Variants in KIF3A observed in about 807,000 individuals in gnomAD.
KIF3A encodes kinesin-like protein KIF3A.
In KIF3A, 27 loss-of-function variants were observed where a neutral mutation model predicts 92.6. The observed-to-expected ratio is 0.29, with a 90% CI of 0.21 to 0.40. KIF3A has a LOEUF of 0.40. Among genes scored for constraint, KIF3A ranks in the 10% least tolerant of loss-of-function variants. The pLI is 1.00. For synonymous variants in KIF3A, 250 were observed against 275.4 expected (o/e 0.91, Z 0.92); for missense variants, 581 against 872.6 (o/e 0.67, Z 4.21).
At position 132,695,456 on chromosome 5, in the gene KIF3A, G is replaced by C. The variant is rs1353301910; in HGVS notation, c.*1178C>G. On this transcript the variant is annotated 3_prime_UTR_variant, in exon 19 of 19. Transcript: ENST00000403231. ...CAAAGTGCTGGGATTACAGGCGTGA[G>C]CCACCATGCCCGGCCAGGAGTAGCA... The C allele has an allele frequency of 3.9e-5, 6 of 152,220 alleles. No individual in the cohort carries two copies. The highest frequency in any genetic ancestry group is 3.9e-4 in the Admixed American group (6 of 15,274). 9.4% of individuals were successfully genotyped at this position (152,220 alleles called of 1,614,324 possible).
At chr5:132,710,484 C>T (rs1753379078) in intron 9 of KIF3A, among the ~76,000 whole-genome samples, 1 of 152,168 alleles carries the variant, frequency 6.6e-6, no homozygotes. Context: ...GGCGAGGTGG[C>T]ATTTGCCTAT....
At chr5:132,721,811 C>A (rs1753834606) in intron 4 of KIF3A, among the ~76,000 whole-genome samples, 1 of 151,974 alleles carries the variant, frequency 6.6e-6, no homozygotes, top group Non-Finnish European at 1.5e-5. Flanking sequence ...ACTGAGGCGG[C>A]CACTGTAGGA....
At chr5:132,690,654 G>A (rs372738817), downstream of KIF3A, among the ~76,000 whole-genome samples, 459 of 33,382 alleles carry the variant, frequency 0.014, 5 homozygotes, top group African/African-American at 0.023. Flanking sequence ...CAGGCCGGGC[G>A]CGGTGGCTCA....
Position 132,699,196 on chromosome 5 carries a change from T to G in KIF3A, c.2107A>C (p.Lys703Gln). Reference sequence around the variant, plus strand: ...CTTCTCCCTGTCTTTGGCCTTGCTTTCCCCTTTGAAGTTCGTGGTCTTTCT... The same window carrying G: ...CTTCTCCCTGTCTTTGGCCTTGCTTGCCCCTTTGAAGTTCGTGGTCTTTCT... ...KLERPRTSKG[K>Q]ARPKTGRRKR... Residue 703 changes from lysine to glutamine, a missense_variant, in exon 18 of 19, where the codon AAA becomes CAA. Transcript: ENST00000403231. The G allele has an allele frequency of 6.2e-7, 1 of 1,614,078 alleles. No homozygotes were observed. The highest frequency in any genetic ancestry group is 8.5e-7 in the Non-Finnish European group (1 of 1,179,952).
chr5:132,737,274 AC>A, intron 1 of KIF3A, 139 bp downstream of exon 1: 1 of 946,852 alleles, frequency 1.1e-6, no homozygotes, highest in Non-Finnish European at 1.5e-6. Context: ...AGGCTCTCCA[AC>A]CACCTCCACC....
intron 18 of KIF3A, chr5:132,697,544 G>C (rs1338052037): frequency 6.6e-6 from 1 of 152,010 alleles, no homozygotes; most frequent in Non-Finnish European, 1.5e-5. Flanking sequence ...GGCCAGGCAC[G>C]GTGGCTCATG....
intron 2 of KIF3A, among the ~76,000 whole-genome samples, chr5:132,730,024 C>T (rs1754169216): frequency 6.6e-6 from 1 of 152,126 alleles, no homozygotes; most frequent in Non-Finnish European, 1.5e-5. Flanking sequence ...ACGTAAGTTA[C>T]CAATATCAAA....
chr5:132,724,429 G>A (rs867947862), intron 4 of KIF3A, among the ~76,000 whole-genome samples: 26 of 152,236 alleles, frequency 1.7e-4, no homozygotes, highest in African/African-American at 5.8e-4. Flanking sequence ...TTAAGAAAAT[G>A]TGGCACATAT....
chr5:132,704,439 G>A (rs1257404891), intron 11 of KIF3A, among the ~76,000 whole-genome samples: 1 of 151,822 alleles, frequency 6.6e-6, no homozygotes, highest in Non-Finnish European at 1.5e-5. Flanking sequence ...GCTGGAATAT[G>A]GCTTCCAATT....
At chr5:132,727,019 T>C (rs1292840211) in intron 2 of KIF3A, among the ~76,000 whole-genome samples, 1 of 152,178 alleles carries the variant, frequency 6.6e-6, no homozygotes, top group Non-Finnish European at 1.5e-5. Context: ...TTCCTTCAAG[T>C]GACCAACACA....
chr5:132,715,604 TGTAA>T (rs1753592732), intron 8 of KIF3A, among the ~76,000 whole-genome samples, 149 bp downstream of exon 8: 1 of 152,242 alleles, frequency 6.6e-6, no homozygotes, highest in Non-Finnish European at 1.5e-5. Flanking sequence ...TGCGAAAGTA[TGTAA>T]GTACCAAGTC....
In KIF3A at chr5:132,698,443, C is replaced by A. The variant is rs369083017; in HGVS notation, c.2132+728G>T. On this transcript the variant is annotated intron_variant, in intron 18 of 18. Transcript: ENST00000403231. Reference sequence around the variant, plus strand: ...TGCCCAAAGGAGAGGGGGAAATGTCCAAGGAAGTTCTCCTTAGCTGGTGAC... The same window carrying A: ...TGCCCAAAGGAGAGGGGGAAATGTCAAAGGAAGTTCTCCTTAGCTGGTGAC... 5.9e-5 allele frequency among the ~76,000 whole-genome samples: 9 copies of A among 152,156 alleles called. No homozygotes were observed. The East Asian group carries it at 9.6e-4, about 16-fold the overall frequency.
chr5:132,724,833 ATATATATATATATATATATATAT>A lies in KIF3A; in HGVS notation c.510+1272_510+1294del, dbSNP rs1165938022. Among the ~76,000 whole-genome samples, 23 of 78,860 alleles carry A rather than the reference ATATATATATATATATATATATAT, an allele frequency of 2.9e-4. 2 individuals carry two copies. Among genetic ancestry groups the A allele is most frequent in the Admixed American group, 5.3e-4 (4 of 7,512 alleles). 51.7% of individuals were successfully genotyped at this position (78,860 alleles called of 152,430 possible). On this transcript the variant is annotated intron_variant, in intron 4 of 18. Transcript: ENST00000403231. ...TATATATATATATATATATATATAT[ATATATATATATATATATATATAT>A]TAAAAAATCATTCTAAGAAAGGGAT...
chr5:132,716,174 G>C (rs958960069), intron 7 of KIF3A, 71 bp downstream of exon 7: 1 of 1,250,226 alleles, frequency 8.0e-7, no homozygotes, highest in African/African-American at 1.5e-5. Context: ...AATGTGATAC[G>C]TATCAATTAT....
Position 132,708,897 on chromosome 5 carries a change from T to C in KIF3A, c.1300+10A>G. 1 of 1,540,782 alleles carries C rather than the reference T, an allele frequency of 6.5e-7. No homozygotes were observed. Among genetic ancestry groups the C allele is most frequent in the Non-Finnish European group, 8.8e-7 (1 of 1,138,144 alleles). ...AAGCTCTGTTAGAGAATGTAAGAGCTACCACTCACTAGGCAAGAACTTATC... is the reference window on the plus strand; with the variant it reads ...AAGCTCTGTTAGAGAATGTAAGAGCCACCACTCACTAGGCAAGAACTTATC... On this transcript the variant is annotated intron_variant, in intron 10 of 18. Transcript: ENST00000403231.
At chr5:132,737,135 TC>T (rs1267133558) in intron 1 of KIF3A, among the ~76,000 whole-genome samples, 2 of 152,166 alleles carry the variant, frequency 1.3e-5, no homozygotes, top group African/African-American at 4.8e-5. Context: ...GAGCGCATCC[TC>T]CAGCACAGCG....
At chr5:132,735,575 T>C (rs1240233660) in intron 1 of KIF3A, among the ~76,000 whole-genome samples, 1 of 152,202 alleles carries the variant, frequency 6.6e-6, no homozygotes, top group Non-Finnish European at 1.5e-5. Flanking sequence ...ATCAGTACAA[T>C]ACACTTCTAT....
At position 132,726,382 on chromosome 5, in the gene KIF3A, G is replaced by A; in HGVS notation, c.397C>T (p.His133Tyr). The A allele has an allele frequency of 1.2e-6, 2 of 1,613,654 alleles. No individual in the cohort carries two copies. The highest frequency in any genetic ancestry group is 1.7e-6 in the Non-Finnish European group (2 of 1,179,700). Residue 133 changes from histidine (H) to tyrosine (Y), a missense_variant, in exon 3 of 19, where the codon CAT becomes TAT. Transcript: ENST00000403231. Reference protein sequence around the residue: ...IPNSFAHIFGHIAKAEGDTRF... With the variant: ...IPNSFAHIFGYIAKAEGDTRF... ...GTATCACCCTCCGCTTTTGCAATATGACCAAATATGTGAGCAAATGAATTG... is the reference window on the plus strand; with the variant it reads ...GTATCACCCTCCGCTTTTGCAATATAACCAAATATGTGAGCAAATGAATTG...
intron 2 of KIF3A, among the ~76,000 whole-genome samples, chr5:132,728,770 AATAT>A (rs1301175598): frequency 1.4e-5 from 2 of 138,930 alleles, no homozygotes; most frequent in African/African-American, 2.9e-5. Context: ...TAAATAAATA[AATAT>A]AATAAACTAT....
Sources: gnomAD v4.1 joint callset for allele counts (sites outside exome capture counted in the v4.1 genomes callset) on GRCh38, gnomAD v4.1.1 for gene constraint, MANE v1.5 for transcripts, NCBI Gene and HGNC (gene_info 2026-07-23, HGNC 2026-07-21) for gene names.